DPP10: variants seen among roughly 807,000 people sequenced by gnomAD.
The protein encoded by DPP10 is inactive dipeptidyl peptidase 10.
A neutral mutation model predicts 120.9 loss-of-function variants in DPP10; 33 were observed. The ratio of observed to expected loss-of-function variants is 0.27; its 90% confidence interval spans 0.21 to 0.37. The LOEUF is 0.37. Ranked by LOEUF, DPP10 falls within the 10% of genes least tolerant of loss-of-function variation. The pLI, the probability that DPP10 is intolerant of heterozygous loss-of-function variation, is 1.00. For synonymous variants in DPP10, 337 were observed against 326.1 expected, an observed-to-expected ratio of 1.03 and a Z score of -0.36; for missense variants, 816 against 942.8, an observed-to-expected ratio of 0.87 and a Z score of 1.76.
intron 1 of DPP10, among the ~76,000 whole-genome samples, chr2:114,742,730 CTG>C (rs1474528749): frequency 6.6e-6 from 1 of 152,200 alleles, no homozygotes; most frequent in Non-Finnish European, 1.5e-5. Flanking sequence ...AACAGCAACA[CTG>C]TGTGTTTAAG....
At chr2:114,839,011 T>C (rs749875488) in intron 1 of DPP10, among the ~76,000 whole-genome samples, 18 of 152,230 alleles carry the variant, frequency 1.2e-4, no homozygotes, top group Non-Finnish European at 1.6e-4. Context: ...TTTTTAATAT[T>C]ATGATGCATA....
chr2:114,689,901 G>A (rs1282624375), intron 1 of DPP10, among the ~76,000 whole-genome samples: 1 of 151,646 alleles, frequency 6.6e-6, no homozygotes, highest in African/African-American at 2.4e-5. Context: ...GTCTGTTCAT[G>A]TCCTTTGCCC....
chr2:114,909,851 A>G lies in DPP10; in HGVS notation c.61-399388A>G, dbSNP rs548499648. 2.6e-5 allele frequency among the ~76,000 whole-genome samples: 4 copies of G among 152,124 alleles called. No homozygotes were observed. In the East Asian group the frequency reaches 5.8e-4, roughly 22 times the overall value. The stretch of plus-strand genomic sequence containing the variant: ...GTTTACAGAGAAAGTTTAAAAGGAT[A>G]TAAATATATGCACACAGCAGGAAAC... On this transcript the variant is annotated intron_variant, in intron 1 of 25. Coordinates refer to ENST00000410059, the MANE Select transcript of DPP10 (RefSeq NM_020868.6).
chr2:114,875,859 A>G (rs966921876), intron 1 of DPP10, among the ~76,000 whole-genome samples: 1 of 152,168 alleles, frequency 6.6e-6, no homozygotes, highest in Non-Finnish European at 1.5e-5. Flanking sequence ...AAAAATAATA[A>G]CAAATAGACA....
chr2:114,952,673 A>G (rs975339171), intron 1 of DPP10, among the ~76,000 whole-genome samples: 5 of 152,224 alleles, frequency 3.3e-5, no homozygotes, highest in Non-Finnish European at 5.9e-5. Flanking sequence ...CTGTCTGTGT[A>G]TAGACATTAG....
chr2:114,510,440 C>T (rs1238835779), intron 1 of DPP10, among the ~76,000 whole-genome samples: 3 of 151,998 alleles, frequency 2.0e-5, no homozygotes, highest in East Asian at 1.9e-4. Flanking sequence ...CCTGTCTCTA[C>T]TAAAAATACA....
intron 1 of DPP10, among the ~76,000 whole-genome samples, chr2:114,925,076 T>A (rs1695510593): frequency 1.3e-5 from 2 of 151,764 alleles, no homozygotes; most frequent in South Asian, 4.1e-4. Context: ...CTGGGCATAG[T>A]GGCGGGTGCC....
At chr2:114,588,866 G>T (rs1691216530) in intron 1 of DPP10, among the ~76,000 whole-genome samples, 1 of 152,040 alleles carries the variant, frequency 6.6e-6, no homozygotes, top group African/African-American at 2.4e-5. Context: ...TTTGTTGTAT[G>T]TTACTGATTG....
At chr2:115,656,020 A>T (rs1010252653) in intron 5 of DPP10, among the ~76,000 whole-genome samples, 1 of 151,562 alleles carries the variant, frequency 6.6e-6, no homozygotes, top group Admixed American at 6.6e-5. Context: ...TCTGTTATGC[A>T]TAATAAATAA....
intron 1 of DPP10, among the ~76,000 whole-genome samples, chr2:115,013,314 A>G (rs1558991217): frequency 6.6e-6 from 1 of 152,172 alleles, no homozygotes; most frequent in African/African-American, 2.4e-5. Context: ...AGAATGTTGA[A>G]TATTGGCCCC....
intron 5 of DPP10, among the ~76,000 whole-genome samples, chr2:115,651,383 T>A (rs1443067708): frequency 2.6e-5 from 4 of 152,076 alleles, no homozygotes; most frequent in African/African-American, 9.7e-5. Flanking sequence ...GACTTGAACC[T>A]TTTATCCTTG....
intron 1 of DPP10, among the ~76,000 whole-genome samples, chr2:114,552,534 C>G (rs1053250572): frequency 6.6e-6 from 1 of 151,974 alleles, no homozygotes; most frequent in Non-Finnish European, 1.5e-5. Context: ...ATTATACATT[C>G]TTTTTTCTTT....
intron 1 of DPP10, among the ~76,000 whole-genome samples, chr2:115,139,791 T>A (rs550518667): frequency 2.0e-5 from 3 of 150,496 alleles, no homozygotes; most frequent in Admixed American, 2.0e-4. Context: ...CCTTGACGAT[T>A]CTGTGCTGAT....
At chr2:115,693,398 AT>A (rs2091423654) in intron 7 of DPP10, among the ~76,000 whole-genome samples, 2 of 152,090 alleles carry the variant, frequency 1.3e-5, no homozygotes, top group Admixed American at 6.6e-5. Context: ...GAGCTGGTCC[AT>A]TGGGCCAGAA....
At chr2:114,943,673 C>A (rs867601410) in intron 1 of DPP10, among the ~76,000 whole-genome samples, 1 of 152,120 alleles carries the variant, frequency 6.6e-6, no homozygotes, top group African/African-American at 2.4e-5. Flanking sequence ...TACACCTGCA[C>A]GTGTCTTTAT....
intron 1 of DPP10, among the ~76,000 whole-genome samples, chr2:114,954,275 G>C (rs1397413760): frequency 6.6e-6 from 1 of 151,916 alleles, no homozygotes; most frequent in Non-Finnish European, 1.5e-5. Flanking sequence ...AGTAGAGACA[G>C]GGTTTCACCG....
chr2:115,175,701 C>G (rs890139596), intron 1 of DPP10, among the ~76,000 whole-genome samples: 1 of 152,166 alleles, frequency 6.6e-6, no homozygotes, highest in African/African-American at 2.4e-5. Flanking sequence ...TGAAAATGTT[C>G]TGTATTGGTG....
intron 1 of DPP10, among the ~76,000 whole-genome samples, chr2:115,304,038 G>A (rs7606313): frequency 0.75 from 114,115 of 151,828 alleles, 43,945 homozygotes; most frequent in East Asian, 0.89. Context: ...GGATATTTTC[G>A]GATTATTCAG....
In DPP10 at chr2:115,474,225, T is replaced by G. The variant is rs183942748; in HGVS notation, c.272-25285T>G. ...TTGCAATAGGACACCAAGATTTTTC[T>G]CAAGGTTCAAGAGAAAACTTTTCTG... is the stretch of plus-strand genomic sequence containing the variant. On this transcript the variant is annotated intron_variant, in intron 3 of 25. Coordinates refer to ENST00000410059, the MANE Select transcript of DPP10 (RefSeq NM_020868.6). Among the ~76,000 whole-genome samples, 575 of 152,302 alleles carry G rather than the reference T, an allele frequency of 3.8e-3. 6 individuals carry two copies. Among genetic ancestry groups the G allele is most frequent in the African/African-American group, 0.013 (550 of 41,558 alleles).
Sources: allele counts gnomAD v4.1 joint callset (sites outside exome capture counted in the v4.1 genomes callset), GRCh38; gene constraint gnomAD v4.1.1; transcripts MANE v1.5; gene names NCBI Gene and HGNC (gene_info 2026-07-23, HGNC 2026-07-21).